ATXN1: variants seen among roughly 807,000 people sequenced by gnomAD.
ATXN1 encodes the protein ataxin-1.
Under a neutral mutation model 56.4 loss-of-function variants are expected in ATXN1, and 8 were observed. The ratio of observed to expected loss-of-function variants is 0.14; its 90% CI spans 0.08 to 0.26. ATXN1 has a LOEUF of 0.26. ATXN1 is among the 10% of genes least tolerant of loss of function. The pLI is 1.00. For synonymous variants in ATXN1, 514 were observed against 494.6 expected, an observed-to-expected ratio of 1.04 and a Z score of -0.52; for missense variants, 987 against 1,106.5, an observed-to-expected ratio of 0.89 and a Z score of 1.53.
intron 6 of ATXN1, among the ~76,000 whole-genome samples, chr6:16,440,888 G>C (rs1483952515): frequency 1.3e-5 from 2 of 152,130 alleles, no homozygotes; most frequent in Non-Finnish European, 2.9e-5. Context: ...ACAGGAATGG[G>C]TGTGGCCGAA....
At chr6:16,513,945 C>T (rs56035456) in intron 5 of ATXN1, among the ~76,000 whole-genome samples, 7,239 of 152,176 alleles carry the variant, frequency 0.048, 233 homozygotes, top group Middle Eastern at 0.085. Flanking sequence ...CCTGTTCTAG[C>T]CTAAATGCAG....
rs984441974 is a variant in ATXN1 at position 16,700,599 on chromosome 6, C to G, written c.-614-42698G>C. On this transcript the variant is annotated intron_variant, in intron 2 of 7. Transcript: ENST00000436367. ...AAACTAGTCCTGTTCCTTTTCCTGC[C>G]GCGGTTGCCATGGCCGACCCAAACA... Among the ~76,000 whole-genome samples the G allele has an allele frequency of 8.5e-5, 13 of 152,208 alleles. No homozygotes were observed. The South Asian group carries it at 1.9e-3, about 22-fold the overall frequency.
chr6:16,440,648 A>AAAAAAAAAAAAAAAAAAGAAAGAAAG lies in ATXN1; in HGVS notation c.-161+45323_-161+45324insCTTTCTTTCTTTTTTTTTTTTTTTTT, dbSNP rs748929817. ...AGAGTGAGACCCTGTCTTAAAAAAA[A>AAAAAAAAAAAAAAAAAAGAAAGAAAG]AAAAGAAAAGAAAAGAAAAAATTAA... On this transcript the variant is annotated intron_variant, in intron 6 of 7. Coordinates refer to ENST00000436367, the MANE Select transcript of ATXN1 (RefSeq NM_001128164.2). 1.9e-4 allele frequency among the ~76,000 whole-genome samples: 23 copies of AAAAAAAAAAAAAAAAAAGAAAGAAAG among 118,566 alleles called. 1 individual carries two copies. The highest frequency in any genetic ancestry group is 1.9e-3 in the East Asian group (7 of 3,756). 77.8% of individuals were successfully genotyped at this position (118,566 alleles called of 152,430 possible). A position where few individuals can be genotyped will look rare whatever the true frequency, so the allele number is the denominator to read the frequency against.
chr6:16,654,466 C>A (rs1036523419), intron 3 of ATXN1, among the ~76,000 whole-genome samples: 2 of 150,330 alleles, frequency 1.3e-5, no homozygotes, highest in African/African-American at 4.9e-5. Context: ...ATTGCTTGAA[C>A]CTGGGAGGCG....
At chr6:16,490,184 T>C (rs970632693) in intron 5 of ATXN1, among the ~76,000 whole-genome samples, 7 of 149,440 alleles carry the variant, frequency 4.7e-5, no homozygotes, top group Non-Finnish European at 1.0e-4. Context: ...CTTCACACAC[T>C]ATATTACCCA....
At chr6:16,432,955 CAG>C (rs1199195504) in intron 6 of ATXN1, 1 of 152,132 alleles carries the variant, frequency 6.6e-6, no homozygotes, top group Non-Finnish European at 1.5e-5. Context: ...CCTCTCAGTT[CAG>C]AGTGAATATA....
intron 4 of ATXN1, among the ~76,000 whole-genome samples, chr6:16,583,474 G>A (rs930678715): frequency 3.3e-5 from 5 of 151,678 alleles, no homozygotes; most frequent in South Asian, 2.1e-4. Flanking sequence ...TGGGTGTGGC[G>A]GGGGGGTCTC....
At chr6:16,711,351 G>A (rs1156864142) in intron 2 of ATXN1, among the ~76,000 whole-genome samples, 1 of 150,790 alleles carries the variant, frequency 6.6e-6, no homozygotes, top group Non-Finnish European at 1.5e-5. Flanking sequence ...CACAGGGTAA[G>A]CAAAAATGTT....
chr6:16,705,420 G>C (rs666215), intron 2 of ATXN1, among the ~76,000 whole-genome samples: 1 of 152,074 alleles, frequency 6.6e-6, no homozygotes, highest in African/African-American at 2.4e-5. Flanking sequence ...CACGGAGGCC[G>C]TTCCTGAGAT....
At chr6:16,583,751 GA>G (rs912637433) in intron 4 of ATXN1, among the ~76,000 whole-genome samples, 70 of 152,302 alleles carry the variant, frequency 4.6e-4, no homozygotes, top group African/African-American at 1.4e-3. Context: ...TCTCTGACTT[GA>G]AAACTTGAAT....
chr6:16,726,694 A>G (rs1150630), intron 2 of ATXN1, among the ~76,000 whole-genome samples: 85,969 of 151,654 alleles, frequency 0.57, 24,619 homozygotes, highest in East Asian at 0.66. Context: ...GTGAAACTCC[A>G]TCTCTACTAA....
At position 16,702,777 on chromosome 6, in the gene ATXN1, T is replaced by C. The variant is rs188608004; in HGVS notation, c.-614-44876A>G. Among the ~76,000 whole-genome samples, 1,270 of 152,256 alleles carry C rather than the reference T, an allele frequency of 8.3e-3. 18 individuals are homozygous for C. The highest frequency in any genetic ancestry group is 0.029 in the African/African-American group (1,202 of 41,542). On this transcript the variant is annotated intron_variant, in intron 2 of 7. Coordinates refer to ENST00000436367, the MANE Select transcript of ATXN1 (RefSeq NM_001128164.2). ...AGAGAAATGCAAATCAAAACCACAA[T>C]GACATACCATCTCACACCAGTTAGA...
chr6:16,533,452 T>C (rs1761541836), intron 4 of ATXN1, among the ~76,000 whole-genome samples: 1 of 152,206 alleles, frequency 6.6e-6, no homozygotes, highest in South Asian at 2.1e-4. Context: ...GCTCCTTTGA[T>C]TCAGAGTGAG....
chr6:16,574,374 T>C (rs1762384799), intron 4 of ATXN1, among the ~76,000 whole-genome samples: 1 of 152,104 alleles, frequency 6.6e-6, no homozygotes, highest in South Asian at 2.1e-4. Context: ...CCCAGCTAAT[T>C]TTATTTGTAT....
chr6:16,487,284 C>CGG lies in ATXN1; in HGVS notation c.-298-1176_-298-1175insCC, dbSNP rs1760567338. 3.3e-5 allele frequency among the ~76,000 whole-genome samples: 5 copies of CGG among 151,770 alleles called. No homozygotes were observed. The East Asian group carries it at 9.7e-4, about 29-fold the overall frequency. ...AAATCATGAGCATGCACAGAAAAAA[C>CGG]AGTTGTAGTATTAGCATTGTGGGTG... On this transcript the variant is annotated intron_variant, in intron 5 of 7. Transcript: ENST00000436367.
At chr6:16,744,264 G>A (rs1022635063) in intron 2 of ATXN1, among the ~76,000 whole-genome samples, 1 of 152,130 alleles carries the variant, frequency 6.6e-6, no homozygotes, top group Non-Finnish European at 1.5e-5. Flanking sequence ...AGCTACAACA[G>A]GAAAGGAATC....
chr6:16,452,773 T>C (rs555367409), intron 6 of ATXN1, among the ~76,000 whole-genome samples: 1 of 152,376 alleles, frequency 6.6e-6, no homozygotes, highest in South Asian at 2.1e-4. Context: ...AGTTTTATAA[T>C]AGCAGGTAGG....
At chr6:16,468,634 A>G (rs1473928326) in intron 6 of ATXN1, among the ~76,000 whole-genome samples, 1 of 152,214 alleles carries the variant, frequency 6.6e-6, no homozygotes, top group Non-Finnish European at 1.5e-5. Flanking sequence ...AGTTGCTGGT[A>G]TATACTGAAG....
chr6:16,601,057 T>C lies in ATXN1; in HGVS notation c.-488-15150A>G, dbSNP rs73728026. On this transcript the variant is annotated intron_variant, in intron 3 of 7. Coordinates refer to ENST00000436367, the MANE Select transcript of ATXN1 (RefSeq NM_001128164.2). The stretch of plus-strand genomic sequence containing the variant: ...ACAATTAGGCTTGCTCCTGAAATTA[T>C]ACGGGTAGTCAAAAAAACGAAGGAC... Among the ~76,000 whole-genome samples the C allele has an allele frequency of 9.3e-3, 1,409 of 152,302 alleles. 24 individuals are homozygous for C. Among genetic ancestry groups the C allele is most frequent in the African/African-American group, 0.032 (1,341 of 41,566 alleles).
Sources: gnomAD v4.1 joint callset for allele counts (sites outside exome capture counted in the v4.1 genomes callset) on GRCh38, gnomAD v4.1.1 for gene constraint, MANE v1.5 for transcripts, NCBI Gene and HGNC (gene_info 2026-07-23, HGNC 2026-07-21) for gene names.